CAST: variants seen among roughly 807,000 people sequenced by gnomAD.
The protein encoded by CAST is calpastatin.
In CAST, 76 loss-of-function variants were observed where a neutral mutation model predicts 119.6. The observed-to-expected ratio is 0.64, with a 90% CI of 0.53 to 0.77. The LOEUF (loss-of-function observed/expected upper bound fraction) is 0.77, where lower values mean the gene tolerates loss of function less well. Ranked by LOEUF, CAST falls within the 30% of genes least tolerant of loss-of-function variation. The pLI is 0.00. For missense variants in CAST, 953 were observed against 946.5 expected, an observed-to-expected ratio of 1.01 and a Z score of -0.09; for synonymous variants, 319 against 331.6, an observed-to-expected ratio of 0.96 and a Z score of 0.41.
chr5:95,974,923 A>T, the CAST span, among the ~76,000 whole-genome samples: 4 of 152,162 alleles, frequency 2.6e-5, no homozygotes, highest in Non-Finnish European at 1.5e-5. Context: ...ACTTTTTTAA[A>T]AACAATTTTC....
intron 1 of CAST, among the ~76,000 whole-genome samples, chr5:96,626,232 T>C (rs1431905113): frequency 6.6e-6 from 1 of 152,168 alleles, no homozygotes; most frequent in African/African-American, 2.4e-5. Flanking sequence ...CAGGCTGTCC[T>C]TTTTCCTGTG....
chr5:96,150,650 G>C, the CAST span, among the ~76,000 whole-genome samples: 1 of 152,182 alleles, frequency 6.6e-6, no homozygotes. Flanking sequence ...GGAAGGAGCA[G>C]ACTGGGTCAT....
At chr5:96,452,579 C>T in the CAST span, among the ~76,000 whole-genome samples, 1 of 136,490 alleles carries the variant, frequency 7.3e-6, no homozygotes, top group Non-Finnish European at 1.5e-5. Flanking sequence ...CACCATGGCA[C>T]ATGTATACCT....
intron 4 of CAST, among the ~76,000 whole-genome samples, chr5:96,723,103 C>T (rs1758603243): frequency 6.6e-6 from 1 of 151,300 alleles, no homozygotes; most frequent in East Asian, 1.9e-4. Flanking sequence ...CCACCATGCC[C>T]GGCTAATTGT....
chr5:96,513,570 A>G, the CAST span, among the ~76,000 whole-genome samples: 8 of 152,220 alleles, frequency 5.3e-5, no homozygotes, highest in Non-Finnish European at 1.2e-4. Context: ...GCAACTGGGT[A>G]TAAATACAAA....
the CAST span, among the ~76,000 whole-genome samples, chr5:95,998,396 AC>A: frequency 3.3e-5 from 5 of 152,006 alleles, no homozygotes; most frequent in Non-Finnish European, 4.4e-5. Context: ...TAATTTTTCA[AC>A]CCTCATCCCC....
At chr5:96,396,561 CAA>C in the CAST span, among the ~76,000 whole-genome samples, 28 of 122,416 alleles carry the variant, frequency 2.3e-4, no homozygotes, top group Middle Eastern at 9.0e-3. Context: ...GACTCCGTCT[CAA>C]AAAAAAAAAA....
At chr5:96,749,886 G>A (rs1764603909) in intron 19 of CAST, among the ~76,000 whole-genome samples, 1 of 152,140 alleles carries the variant, frequency 6.6e-6, no homozygotes, top group Admixed American at 6.5e-5. Context: ...TGGGACAGTG[G>A]TTCTCAAACT....
At position 96,727,503 on chromosome 5, in the gene CAST, A is replaced by AC; in HGVS notation, c.353dup (p.Glu119Ter). The AC allele has an allele frequency of 6.4e-7, 1 of 1,559,476 alleles. No homozygotes were observed. The highest frequency in any genetic ancestry group is 8.7e-7 in the Non-Finnish European group (1 of 1,145,650). On this transcript the variant is annotated frameshift_variant, in exon 6 of 32. Coordinates refer to ENST00000675179, the MANE Select transcript of CAST (RefSeq NM_001750.7). LOFTEE classifies it high-confidence loss of function. The stretch of plus-strand genomic sequence containing the variant: ...TCTGAACTTAGGCTGTAAAAACAGA[A>AC]CCTGAGAAGAAGTCACAGTCAACCA...
intron 1 of CAST, among the ~76,000 whole-genome samples, chr5:96,535,126 A>C (rs1021354741): frequency 3.3e-5 from 5 of 152,206 alleles, no homozygotes; most frequent in African/African-American, 1.2e-4. Flanking sequence ...AAATTCAATA[A>C]ATACAGAAAG....
At chr5:96,674,941 G>A (rs1273497392) in intron 1 of CAST, among the ~76,000 whole-genome samples, 2 of 152,168 alleles carry the variant, frequency 1.3e-5, no homozygotes, top group Non-Finnish European at 2.9e-5. Context: ...TGATTGTTAT[G>A]TGTTAATTAA....
intron 1 of CAST, among the ~76,000 whole-genome samples, chr5:96,532,229 C>T (rs994973200): frequency 6.6e-6 from 1 of 152,040 alleles, no homozygotes; most frequent in Non-Finnish European, 1.5e-5. Context: ...TTTCAAACAA[C>T]TGGGAGGCCT....
At chr5:96,136,840 G>A in the CAST span, among the ~76,000 whole-genome samples, 5 of 151,976 alleles carry the variant, frequency 3.3e-5, no homozygotes, top group African/African-American at 4.8e-5. Flanking sequence ...ACCCATACTC[G>A]CAGGGGAAAC....
At chr5:96,637,267 T>C (rs950611675) in intron 1 of CAST, among the ~76,000 whole-genome samples, 4 of 152,212 alleles carry the variant, frequency 2.6e-5, no homozygotes, top group African/African-American at 9.6e-5. Context: ...TAAGGGGTAG[T>C]TCCATTTCAC....
the CAST span, among the ~76,000 whole-genome samples, chr5:96,463,359 G>A: frequency 6.6e-6 from 1 of 152,038 alleles, no homozygotes; most frequent in African/African-American, 2.4e-5. Flanking sequence ...TGTGTTGGTT[G>A]TTTTTTGATT....
the CAST span, among the ~76,000 whole-genome samples, chr5:96,008,807 T>C: frequency 2.0e-5 from 3 of 152,116 alleles, no homozygotes; most frequent in Non-Finnish European, 2.9e-5. Context: ...AGAATCCTGG[T>C]GATATTATGT....
intron 1 of CAST, among the ~76,000 whole-genome samples, chr5:96,642,699 G>A (rs1747966905): frequency 6.6e-6 from 1 of 151,770 alleles, no homozygotes; most frequent in Non-Finnish European, 1.5e-5. Context: ...CCGGCACCAC[G>A]CCCAGCTAAT....
chr5:96,698,158 T>C (rs1370337165), intron 3 of CAST, among the ~76,000 whole-genome samples: 3 of 152,230 alleles, frequency 2.0e-5, no homozygotes, highest in African/African-American at 7.2e-5. Context: ...ACCCAGTTTT[T>C]TCTTGAACGT....
intron 1 of CAST, among the ~76,000 whole-genome samples, chr5:96,603,384 T>C (rs1200776933): frequency 6.6e-6 from 1 of 152,190 alleles, no homozygotes; most frequent in African/African-American, 2.4e-5. Context: ...CTTTTTTCTA[T>C]TTTTAAATTT....
Sources: gnomAD v4.1 joint callset for allele counts (sites outside exome capture counted in the v4.1 genomes callset) on GRCh38, gnomAD v4.1.1 for gene constraint, MANE v1.5 for transcripts, NCBI Gene and HGNC (gene_info 2026-07-23, HGNC 2026-07-21) for gene names.